Variants in DGKZ observed in about 807,000 individuals in gnomAD.
DGKZ encodes diacylglycerol kinase zeta.
Under a neutral mutation model 142.5 loss-of-function variants are expected in DGKZ, and 45 were observed. That is an observed-to-expected ratio of 0.32 (90% confidence interval 0.25 to 0.40). The LOEUF (loss-of-function observed/expected upper bound fraction) is 0.40, where lower values mean the gene tolerates loss of function less well. DGKZ is among the 10% of genes least tolerant of loss of function. The pLI is 1.00. For synonymous variants in DGKZ, 442 were observed against 527.0 expected (o/e 0.84, Z 2.21); for missense variants, 755 against 1,306.5 (o/e 0.58, Z 6.51).
Position 46,372,116 on chromosome 11 carries a change from C to T in DGKZ, c.873C>T (p.Ser291=). ...CCTTCATCATCAGGCCCACCCCCTCCCCGCTCATGAAGCCCCTGCTGGTGT... is the reference window on the plus strand; with the variant it reads ...CCTTCATCATCAGGCCCACCCCCTCTCCGCTCATGAAGCCCCTGCTGGTGT... The change falls in exon 10 of 31, where the codon TCC becomes TCT. Residue 291 remains serine, a synonymous_variant. Transcript: ENST00000527911. The surrounding 1 kb of genome is among the most constrained non-coding windows in gnomAD (Gnocchi z 5.9). 1.2e-6 allele frequency: 2 copies of T among 1,612,150 alleles called. No homozygotes were observed. The highest frequency in any genetic ancestry group is 1.7e-6 in the Non-Finnish European group (2 of 1,179,424).
At chr11:46,354,056 A>G (rs1390707113) in intron 1 of DGKZ, among the ~76,000 whole-genome samples, 3 of 152,056 alleles carry the variant, frequency 2.0e-5, no homozygotes, top group South Asian at 4.2e-4. Context: ...GCCTGCCACC[A>G]CCCACCCACC....
chr11:46,364,256 C>A, intron 1 of DGKZ: 1 of 878,762 alleles, frequency 1.1e-6, no homozygotes, highest in Non-Finnish European at 1.6e-6. Context: ...ACCTCTGCGT[C>A]AACTTCCTCA....
intron 1 of DGKZ, among the ~76,000 whole-genome samples, chr11:46,338,232 C>A (rs920976967): frequency 6.6e-6 from 1 of 152,126 alleles, no homozygotes; most frequent in Non-Finnish European, 1.5e-5. Flanking sequence ...CGTGGTGGCT[C>A]ACGCCTGTAA....
exon 4 of DGKZ, chr11:46,368,045 T>C (rs1565051937): frequency 6.2e-7 from 1 of 1,613,924 alleles, no homozygotes; most frequent in Non-Finnish European, 8.5e-7. Flanking sequence ...TGCAAGATTG[T>C]GGTGCACACG....
At chr11:46,347,181 C>G (rs1255649794), upstream of DGKZ, among the ~76,000 whole-genome samples, 1 of 152,044 alleles carries the variant, frequency 6.6e-6, no homozygotes, top group African/African-American at 2.4e-5. The surrounding 1 kb of genome is among the most constrained non-coding windows in gnomAD (Gnocchi z 6.4). Flanking sequence ...GCGGAGGGAT[C>G]GGGGGAGGAA....
At chr11:46,334,698 G>T (rs931594580) in intron 1 of DGKZ, among the ~76,000 whole-genome samples, 2 of 152,164 alleles carry the variant, frequency 1.3e-5, no homozygotes, top group Non-Finnish European at 2.9e-5. Flanking sequence ...GAAATCGTGG[G>T]TACACCGGGC....
In DGKZ at chr11:46,374,384, C is replaced by G; in HGVS notation, c.1406-15C>G. The G allele has an allele frequency of 6.2e-7, 1 of 1,614,050 alleles. No homozygotes were observed. Among genetic ancestry groups the G allele is most frequent in the Non-Finnish European group, 8.5e-7 (1 of 1,180,034 alleles). On this transcript the variant is annotated splice_polypyrimidine_tract_variant and intron_variant, in intron 15 of 30. Transcript: ENST00000527911. ...TGGGGTGACTCACTGGCCCCCACTG[C>G]TTGTCTCCACCCAGAGGCCAACCCA...
intron 1 of DGKZ, among the ~76,000 whole-genome samples, chr11:46,352,544 G>A (rs1186716014): frequency 6.6e-6 from 1 of 152,140 alleles, no homozygotes; most frequent in Admixed American, 6.5e-5. Flanking sequence ...CCAAGTTCTC[G>A]CAGCTAGCCG....
At chr11:46,340,139 A>G (rs1346694629) in intron 1 of DGKZ, among the ~76,000 whole-genome samples, 1 of 152,198 alleles carries the variant, frequency 6.6e-6, no homozygotes, top group African/African-American at 2.4e-5. Context: ...CCAGACTGAG[A>G]TCTGTTTCTC....
chr11:46,371,683 A>C, intron 8 of DGKZ, 21 bp from the exon 9 acceptor site: 1 of 1,613,886 alleles, frequency 6.2e-7, no homozygotes, highest in Non-Finnish European at 8.5e-7. Context: ...CTCGTCACCA[A>C]CACCCCTGCT....
intron 1 of DGKZ, chr11:46,361,494 G>A (rs896368577): frequency 8.2e-6 from 3 of 366,364 alleles, no homozygotes; most frequent in Non-Finnish European, 1.1e-5. Context: ...TGCTGGGAGA[G>A]GAAGTGCGTT....
At chr11:46,375,105 C>A in intron 19 of DGKZ, 60 bp downstream of exon 19, 1 of 1,434,482 alleles carries the variant, frequency 7.0e-7, no homozygotes, top group Non-Finnish European at 9.3e-7. Context: ...AAGGGGTCAC[C>A]CATACTCACC....
At chr11:46,345,038 G>A (rs899444174), upstream of DGKZ, among the ~76,000 whole-genome samples, 1 of 152,194 alleles carries the variant, frequency 6.6e-6, no homozygotes, top group African/African-American at 2.4e-5. This position sits in a 1 kb window ranked among gnomAD's most constrained non-coding sequence, Gnocchi z 4.1. Context: ...TAGGAAGAGA[G>A]CGCTCTTTGA....
chr11:46,337,107 T>A (rs1477044176), intron 1 of DGKZ, among the ~76,000 whole-genome samples: 1 of 151,866 alleles, frequency 6.6e-6, no homozygotes, highest in Non-Finnish European at 1.5e-5. Flanking sequence ...GCGTAAATGA[T>A]CAGGGTTGGG....
intron 6 of DGKZ, 131 bp downstream of exon 6, chr11:46,370,140 C>T: frequency 1.8e-6 from 2 of 1,101,958 alleles, no homozygotes; most frequent in Non-Finnish European, 2.7e-6. Flanking sequence ...CTCAGCCTGG[C>T]TGCAGTGCCT....
rs575996216 is a variant in DGKZ at position 46,333,778 on chromosome 11, A to G, written c.212+291A>G. Among the ~76,000 whole-genome samples, 7 of 152,232 alleles carry G rather than the reference A, an allele frequency of 4.6e-5. No individual in the cohort carries two copies. In the East Asian group the frequency reaches 1.2e-3, roughly 25 times the overall value. On this transcript the variant is annotated intron_variant, in intron 1 of 30. Coordinates refer to the DGKZ transcript ENST00000343674. The stretch of plus-strand genomic sequence containing the variant: ...CATGACATTGTTCTTACAAACCTCT[A>G]TCTGCTGGGGAGAGCCAGGAGATGC...
chr11:46,355,362 C>T (rs1307018221), intron 1 of DGKZ, among the ~76,000 whole-genome samples: 1 of 152,202 alleles, frequency 6.6e-6, no homozygotes, highest in Non-Finnish European at 1.5e-5. Flanking sequence ...CCCGCCTCAG[C>T]CTCCCAAAGT....
At position 46,367,326 on chromosome 11, in the gene DGKZ, C is replaced by A. The variant is rs1397031079; in HGVS notation, c.197C>A (p.Ala66Asp). Reference sequence around the variant, plus strand: ...ACCAAGTCGGGCCTCCAGCACCTGGCCCCCCCTCCGCCCACCCCTGGGGCC... The same window carrying A: ...ACCAAGTCGGGCCTCCAGCACCTGGACCCCCCTCCGCCCACCCCTGGGGCC... Residue 66 changes from alanine to aspartate, a missense_variant, in exon 2 of 31, where the codon GCC becomes GAC. Around this residue, in one of 8 missense-constraint regions of DGKZ, gnomAD observed 81 missense variants for 86.5 expected, o/e 0.94. Coordinates refer to ENST00000527911, the Ensembl canonical transcript of DGKZ. The surrounding 1 kb of genome is among the most constrained non-coding windows in gnomAD (Gnocchi z 4.1). 6.2e-7 allele frequency: 1 copy of A among 1,612,208 alleles called. No individual in the cohort carries two copies. The highest frequency in any genetic ancestry group is 1.7e-5 in the Admixed American group (1 of 59,978).
intron 1 of DGKZ, among the ~76,000 whole-genome samples, chr11:46,349,603 A>G (rs1466245152): frequency 6.6e-6 from 1 of 152,106 alleles, no homozygotes; most frequent in Non-Finnish European, 1.5e-5. Flanking sequence ...CTCACACAGC[A>G]TTGCCCAGCC....
Sources: allele counts gnomAD v4.1 joint callset (sites outside exome capture counted in the v4.1 genomes callset), GRCh38; gene constraint gnomAD v4.1.1; regional missense constraint gnomAD v4.1.1; non-coding constraint Gnocchi (gnomAD v3.1); transcripts MANE v1.5; gene names NCBI Gene and HGNC (gene_info 2026-07-23, HGNC 2026-07-21).